The following TOR1AIP1 variants were observed in gnomAD, a reference collection of about 807,000 sequenced individuals.
The protein encoded by TOR1AIP1 is torsin 1A interacting protein 1.
In TOR1AIP1, 54 loss-of-function variants were observed where a neutral mutation model predicts 63.3. The ratio of observed to expected loss-of-function variants is 0.85; its 90% confidence interval spans 0.69 to 1.07. TOR1AIP1 has a LOEUF of 1.07. Among genes scored for constraint, TOR1AIP1 ranks in the 50% least tolerant of loss-of-function variants. The pLI, the probability that TOR1AIP1 is intolerant of heterozygous loss-of-function variation, is 0.00. For synonymous variants in TOR1AIP1, 294 were observed against 273.5 expected (o/e 1.07, Z -0.74); for missense variants, 736 against 715.0 (o/e 1.03, Z -0.33).
chr1:179,891,356 G>A (rs1212642536), intron 3 of TOR1AIP1, among the ~76,000 whole-genome samples: 2 of 151,790 alleles, frequency 1.3e-5, no homozygotes, highest in Non-Finnish European at 2.9e-5. Flanking sequence ...CAAGTAGCTG[G>A]GATTACAGGT....
intron 3 of TOR1AIP1, among the ~76,000 whole-genome samples, chr1:179,890,364 T>TA (rs769459115): frequency 2.6e-5 from 4 of 152,210 alleles, no homozygotes; most frequent in Non-Finnish European, 5.9e-5. Flanking sequence ...TAGGCTTCTG[T>TA]ACCTTCCCAT....
chr1:179,905,322 C>G (rs911753829), intron 6 of TOR1AIP1, among the ~76,000 whole-genome samples: 1 of 151,918 alleles, frequency 6.6e-6, no homozygotes, highest in Admixed American at 6.6e-5. Flanking sequence ...CGGAGCTTGC[C>G]GTGAGCCGAG....
chr1:179,910,373 C>G (rs1384171316), intron 8 of TOR1AIP1, among the ~76,000 whole-genome samples: 1 of 152,114 alleles, frequency 6.6e-6, no homozygotes, highest in African/African-American at 2.4e-5. Context: ...TGTAATTGGA[C>G]CAAATGACAT....
At chr1:179,904,160 A>G in intron 6 of TOR1AIP1, 138 bp downstream of exon 6, 1 of 614,414 alleles carries the variant, frequency 1.6e-6, no homozygotes, top group South Asian at 2.4e-5. Context: ...CTTATCCGAT[A>G]TCTCTCTACC....
chr1:179,906,894 C>T (rs192877784), intron 6 of TOR1AIP1, among the ~76,000 whole-genome samples: 12 of 151,662 alleles, frequency 7.9e-5, no homozygotes, highest in East Asian at 2.0e-4. Flanking sequence ...CCCACCACCA[C>T]GCCTGGCTAA....
chr1:179,891,944 C>T (rs502036), intron 3 of TOR1AIP1, among the ~76,000 whole-genome samples: 67,937 of 152,150 alleles, frequency 0.45, 18,687 homozygotes, highest in East Asian at 0.7. Flanking sequence ...GTTCGTTGAA[C>T]GGGTTTTAAT....
chr1:179,911,449 A>G (rs1221229069), intron 8 of TOR1AIP1, among the ~76,000 whole-genome samples: 1 of 152,254 alleles, frequency 6.6e-6, no homozygotes, highest in African/African-American at 2.4e-5. Flanking sequence ...AGTTTCCTGT[A>G]GACAGGTCCC....
At chr1:179,900,203 T>C (rs1234260159) in intron 4 of TOR1AIP1, 36 bp downstream of exon 4, 2 of 1,417,764 alleles carry the variant, frequency 1.4e-6, no homozygotes, top group Non-Finnish European at 2.0e-6. Context: ...ATATATACTT[T>C]AAGTCTTTTT....
At chr1:179,913,945 C>A (rs772777986) in intron 8 of TOR1AIP1, 53 bp from the exon 9 acceptor site, 4 of 1,476,810 alleles carry the variant, frequency 2.7e-6, no homozygotes, top group Non-Finnish European at 3.7e-6. Flanking sequence ...GAAATAAATA[C>A]TCAAATTATG....
rs1374544519 is a variant in TOR1AIP1, at chr1:179,903,129, T to C, written c.740-837T>C. On this transcript the variant is annotated intron_variant, in intron 5 of 9. Transcript: ENST00000606911. ...CTACTTTTATTTGGGAAAAAATGTT[T>C]TTAAGAAGAGTAGACTGAAAGCAAG... Among the ~76,000 whole-genome samples the C allele has an allele frequency of 6.6e-5, 10 of 152,128 alleles. No individual in the cohort carries two copies. The East Asian group carries it at 1.9e-3, about 29-fold the overall frequency.
At chr1:179,908,772 T>C in intron 8 of TOR1AIP1, 99 bp downstream of exon 8, 1 of 1,030,188 alleles carries the variant, frequency 9.7e-7, no homozygotes, top group Non-Finnish European at 1.4e-6. Context: ...TTAGGTTGTT[T>C]GTGATTTCAC....
intron 3 of TOR1AIP1, among the ~76,000 whole-genome samples, chr1:179,894,176 G>A (rs999679659): frequency 5.3e-5 from 8 of 150,842 alleles, no homozygotes; most frequent in Admixed American, 2.0e-4. Context: ...GCGTGAACCC[G>A]GAAGGCAGAG....
chr1:179,910,330 C>T (rs1648792986), intron 8 of TOR1AIP1, among the ~76,000 whole-genome samples: 1 of 152,118 alleles, frequency 6.6e-6, no homozygotes, highest in Non-Finnish European at 1.5e-5. Flanking sequence ...TAAAAATCCA[C>T]ATCTTATATC....
chr1:179,901,048 T>C (rs1449138253), intron 4 of TOR1AIP1, among the ~76,000 whole-genome samples: 1 of 152,216 alleles, frequency 6.6e-6, no homozygotes, highest in African/African-American at 2.4e-5. Flanking sequence ...TAAAGCCTTA[T>C]AGTTTTTTAG....
chr1:179,884,469 C>A (rs1178092980), intron 1 of TOR1AIP1, among the ~76,000 whole-genome samples: 1 of 152,066 alleles, frequency 6.6e-6, no homozygotes, highest in East Asian at 1.9e-4. Context: ...TGTAAAACAA[C>A]AATGGCAAAT....
At position 179,882,889 on chromosome 1, in the gene TOR1AIP1, C is replaced by T. The variant is rs992492047; in HGVS notation, c.387C>T (p.Arg129=). The T allele has an allele frequency of 1.2e-6, 2 of 1,614,158 alleles. No individual in the cohort carries two copies. Among genetic ancestry groups the T allele is most frequent in the Non-Finnish European group, 1.7e-6 (2 of 1,180,040 alleles). The change falls in exon 1 of 10, where the codon CGC becomes CGT. Residue 129 remains arginine, a synonymous_variant. Coordinates refer to ENST00000606911, the MANE Select transcript of TOR1AIP1 (RefSeq NM_015602.4). ...TEEMKTRRTT[R]LQQQHSEQPP... is the part of the protein sequence containing the mutation. ...AAATGAAGACGCGAAGGACTACCCG[C>T]CTTCAGCAGCAGCACTCAGAGCAGC... is the stretch of plus-strand genomic sequence containing the variant.
At chr1:179,906,738 C>A (rs1279835661) in intron 6 of TOR1AIP1, among the ~76,000 whole-genome samples, 1 of 138,414 alleles carries the variant, frequency 7.2e-6, no homozygotes. Context: ...TGGTTCCCCC[C>A]CCCCCTTTTT....
Position 179,882,716 on chromosome 1 carries a change from C to T in TOR1AIP1, c.214C>T (p.Pro72Ser), listed in dbSNP as rs758694595. 14 of 1,613,312 alleles carry T rather than the reference C, an allele frequency of 8.7e-6. No homozygotes were observed. Among genetic ancestry groups the T allele is most frequent in the Admixed American group, 1.7e-5 (1 of 59,864 alleles). Residue 72 changes from proline to serine, a missense_variant, in exon 1 of 10, where the codon CCC becomes TCC. By Grantham distance (74) the Pro-to-Ser change is moderately conservative. Coordinates refer to ENST00000606911, the MANE Select transcript of TOR1AIP1 (RefSeq NM_015602.4). ...EPPEVYGDFE[P>S]LVAKERSPVG... ...GCCAGAAGTGTACGGCGACTTCGAG[C>T]CCCTGGTGGCCAAAGAAAGGTCCCC...
chr1:179,893,958 T>C (rs1648184692), intron 3 of TOR1AIP1, among the ~76,000 whole-genome samples: 1 of 152,114 alleles, frequency 6.6e-6, no homozygotes, highest in Non-Finnish European at 1.5e-5. Context: ...TGATTTATAC[T>C]GATGGCAAGA....
Sources: allele counts gnomAD v4.1 joint callset (sites outside exome capture counted in the v4.1 genomes callset), GRCh38; gene constraint gnomAD v4.1.1; transcripts MANE v1.5; gene names NCBI Gene and HGNC (gene_info 2026-07-23, HGNC 2026-07-21).